Variants in VWC2L observed in about 807,000 individuals in gnomAD.
VWC2L encodes von Willebrand factor C domain-containing protein 2-like.
In VWC2L, 10 loss-of-function variants were observed where a neutral mutation model predicts 21.6. The observed-to-expected ratio is 0.46, with a 90% CI of 0.29 to 0.78. The LOEUF is 0.78. Ranked by LOEUF, VWC2L falls within the 30% of genes least tolerant of loss-of-function variation. The probability of loss-of-function intolerance (pLI) is 0.10; values close to 1 mark genes in which losing one functional copy is unlikely to be tolerated. For missense variants in VWC2L, 209 were observed against 277.1 expected (o/e 0.75, Z 1.74); for synonymous variants, 96 against 94.3 (o/e 1.02, Z -0.10).
intron 3 of VWC2L, among the ~76,000 whole-genome samples, chr2:214,452,565 A>G (rs1172421416): frequency 6.6e-6 from 1 of 152,150 alleles, no homozygotes; most frequent in Non-Finnish European, 1.5e-5. Context: ...TGCTAGAACT[A>G]AACAGAAGCC....
At chr2:214,467,983 A>G (rs1024887817) in intron 3 of VWC2L, among the ~76,000 whole-genome samples, 1 of 152,096 alleles carries the variant, frequency 6.6e-6, no homozygotes, top group Non-Finnish European at 1.5e-5. Flanking sequence ...TTGTCTCAAC[A>G]AAGACAGAAA....
At chr2:214,533,582 A>G (rs773106688) in intron 3 of VWC2L, among the ~76,000 whole-genome samples, 17 of 151,454 alleles carry the variant, frequency 1.1e-4, no homozygotes, top group Non-Finnish European at 2.1e-4. Flanking sequence ...TAATAAGTGT[A>G]ATTGAAAAAA....
intron 3 of VWC2L, among the ~76,000 whole-genome samples, chr2:214,483,009 C>T (rs1168048500): frequency 6.6e-6 from 1 of 152,134 alleles, no homozygotes; most frequent in Admixed American, 6.6e-5. Flanking sequence ...CCTTTGACCA[C>T]CAGCAGCAGT....
At chr2:214,500,436 G>T (rs1688876286) in intron 3 of VWC2L, among the ~76,000 whole-genome samples, 1 of 152,150 alleles carries the variant, frequency 6.6e-6, no homozygotes, top group South Asian at 2.1e-4. Context: ...TTTGTGCATG[G>T]ATTCCATCTT....
intron 3 of VWC2L, among the ~76,000 whole-genome samples, chr2:214,574,246 T>A (rs1340613733): frequency 6.6e-6 from 1 of 152,172 alleles, no homozygotes. Flanking sequence ...TCCCTCCTGC[T>A]CTGCATGGCT....
intron 3 of VWC2L, among the ~76,000 whole-genome samples, chr2:214,503,535 A>G (rs1051478485): frequency 9.9e-5 from 15 of 152,146 alleles, no homozygotes; most frequent in Non-Finnish European, 1.3e-4. Context: ...TTATTAGGCT[A>G]ATTGTTCTCA....
intron 3 of VWC2L, among the ~76,000 whole-genome samples, chr2:214,550,940 C>G (rs985676100): frequency 4.6e-5 from 7 of 152,192 alleles, no homozygotes; most frequent in African/African-American, 1.7e-4. Context: ...CACCAGCCCT[C>G]TCTTCAGCAC....
intron 3 of VWC2L, among the ~76,000 whole-genome samples, chr2:214,491,032 G>A (rs1436429584): frequency 6.6e-6 from 1 of 152,142 alleles, no homozygotes; most frequent in Non-Finnish European, 1.5e-5. Flanking sequence ...CAGGGGATGG[G>A]GGGAGTGGCT....
chr2:214,504,304 T>C (rs951812048), intron 3 of VWC2L, among the ~76,000 whole-genome samples: 1 of 152,224 alleles, frequency 6.6e-6, no homozygotes, highest in Non-Finnish European at 1.5e-5. Flanking sequence ...TAGCTTCCTG[T>C]TACCCATGCA....
At chr2:214,556,192 G>A (rs755199259) in intron 3 of VWC2L, among the ~76,000 whole-genome samples, 8 of 152,150 alleles carry the variant, frequency 5.3e-5, no homozygotes, top group Non-Finnish European at 1.0e-4. Flanking sequence ...CTTGGGACAC[G>A]GAGGTTGCAA....
intron 3 of VWC2L, among the ~76,000 whole-genome samples, chr2:214,526,652 C>T (rs1689343398): frequency 6.6e-6 from 1 of 152,166 alleles, no homozygotes; most frequent in Non-Finnish European, 1.5e-5. Context: ...TTCTCTTCTT[C>T]CATGGCTTTC....
In VWC2L at chr2:214,542,010, A is replaced by T. The variant is rs574574420; in HGVS notation, c.521-33662A>T. ...ACCTGCTGAAGAGCTGCTGTTGTTTATTTTTGATCACGTGGATGAGGTCAT... is the reference window on the plus strand; with the variant it reads ...ACCTGCTGAAGAGCTGCTGTTGTTTTTTTTTGATCACGTGGATGAGGTCAT... On this transcript the variant is annotated intron_variant, in intron 3 of 3. Coordinates refer to ENST00000312504, the MANE Select transcript of VWC2L (RefSeq NM_001080500.4). 2.6e-5 allele frequency among the ~76,000 whole-genome samples: 4 copies of T among 151,506 alleles called. No homozygotes were observed. In the East Asian group the frequency reaches 5.9e-4, roughly 22 times the overall value.
intron 3 of VWC2L, among the ~76,000 whole-genome samples, chr2:214,551,457 A>C (rs1689793426): frequency 6.6e-6 from 1 of 152,212 alleles, no homozygotes; most frequent in African/African-American, 2.4e-5. Flanking sequence ...GAAAATAGTG[A>C]ATGCTTTAGA....
intron 3 of VWC2L, among the ~76,000 whole-genome samples, chr2:214,488,040 T>A (rs556201787): frequency 1.3e-5 from 2 of 152,290 alleles, no homozygotes; most frequent in African/African-American, 4.8e-5. Context: ...CTCCAGGGAC[T>A]CACCGTACCT....
chr2:214,499,465 A>C (rs1688860286), intron 3 of VWC2L, among the ~76,000 whole-genome samples: 1 of 142,054 alleles, frequency 7.0e-6, no homozygotes, highest in African/African-American at 2.6e-5. Context: ...CAGAAGTTTG[A>C]CACAGGAAGG....
chr2:214,427,944 T>C (rs1702549904), intron 2 of VWC2L, among the ~76,000 whole-genome samples: 1 of 152,200 alleles, frequency 6.6e-6, no homozygotes, highest in South Asian at 2.1e-4. Flanking sequence ...CACAGTGGGT[T>C]GAATCCATGG....
chr2:214,432,692 G>C (rs1702617831), intron 2 of VWC2L, among the ~76,000 whole-genome samples: 1 of 151,948 alleles, frequency 6.6e-6, no homozygotes, highest in Non-Finnish European at 1.5e-5. Flanking sequence ...TCTAATCTAG[G>C]GCCAGCTGGG....
At chr2:214,464,546 C>T (rs554788207) in intron 3 of VWC2L, among the ~76,000 whole-genome samples, 4 of 152,198 alleles carry the variant, frequency 2.6e-5, no homozygotes. Context: ...GACACAAGCA[C>T]TCCTGTGGCC....
intron 3 of VWC2L, among the ~76,000 whole-genome samples, chr2:214,457,079 GA>G (rs1182959197): frequency 1.3e-5 from 2 of 151,902 alleles, no homozygotes; most frequent in African/African-American, 4.8e-5. Flanking sequence ...ACAAATTTTA[GA>G]ATTTTAAAAA....
Sources: gnomAD v4.1 joint callset for allele counts (sites outside exome capture counted in the v4.1 genomes callset) on GRCh38, gnomAD v4.1.1 for gene constraint, MANE v1.5 for transcripts, NCBI Gene and HGNC (gene_info 2026-07-23, HGNC 2026-07-21) for gene names.